Variants in ERG observed in about 807,000 individuals in gnomAD.
ERG encodes the protein ETS transcription factor ERG, also known as transcriptional regulator ERG.
ERG carries 9 observed loss-of-function variants against 55.3 expected under a neutral mutation model. That is an observed-to-expected ratio of 0.16 (90% CI 0.10 to 0.28). ERG has a LOEUF of 0.28. Ranked by LOEUF, ERG falls within the 10% of genes least tolerant of loss-of-function variation. ERG has a pLI of 1.00. For synonymous variants in ERG, 223 were observed against 237.3 expected, an observed-to-expected ratio of 0.94 and a Z score of 0.55; for missense variants, 434 against 631.6, an observed-to-expected ratio of 0.69 and a Z score of 3.35.
chr21:38,393,329 A>G, intron 6 of ERG, among the ~76,000 whole-genome samples: 1 of 152,264 alleles, frequency 6.6e-6, no homozygotes, highest in East Asian at 1.9e-4. Context: ...TGTTTCAAAA[A>G]TATATTACAG....
chr21:38,572,379 A>G (rs1156306985), intron 2 of ERG, among the ~76,000 whole-genome samples: 1 of 151,190 alleles, frequency 6.6e-6, no homozygotes, highest in Admixed American at 6.6e-5. Context: ...AAAAAAAAAA[A>G]AAAAAAAGAA....
At chr21:38,454,275 C>T (rs77757794) in intron 1 of ERG, among the ~76,000 whole-genome samples, 3,277 of 152,204 alleles carry the variant, frequency 0.022, 131 homozygotes, top group African/African-American at 0.075. Flanking sequence ...TGGTAGAGCA[C>T]GGGAGCCAGG....
chr21:38,552,332 T>C (rs1179842563), intron 2 of ERG, among the ~76,000 whole-genome samples: 2 of 152,146 alleles, frequency 1.3e-5, no homozygotes, highest in Non-Finnish European at 2.9e-5. Context: ...AACCTCATTT[T>C]ATGAGGCCAG....
upstream of ERG, chr21:38,498,525 G>C: frequency 2.1e-6 from 3 of 1,413,208 alleles, no homozygotes; most frequent in Non-Finnish European, 2.8e-6. The surrounding 1 kb of genome is among the most constrained non-coding windows in gnomAD (Gnocchi z 4.6). Flanking sequence ...GGCAGGAAGA[G>C]GTTTCTATTG....
chr21:38,614,798 C>T (rs1021377623), intron 1 of ERG, among the ~76,000 whole-genome samples: 3 of 152,202 alleles, frequency 2.0e-5, no homozygotes, highest in Non-Finnish European at 4.4e-5. Context: ...TCAGCGTGGC[C>T]TCAGCAGGGA....
intron 2 of ERG, among the ~76,000 whole-genome samples, chr21:38,433,455 T>C (rs545520716): frequency 1.3e-5 from 2 of 152,334 alleles, no homozygotes; most frequent in Admixed American, 1.3e-4. Flanking sequence ...TGGTGGGGAC[T>C]AATATTACTG....
rs1201047955 is a variant in ERG at position 38,548,609 on chromosome 21, G to C, written c.-41+27053C>G. On this transcript the variant is annotated intron_variant, in intron 2 of 8. Transcript: ENST00000398897. The stretch of plus-strand genomic sequence containing the variant: ...ACTAGAGGCACCCGCCACCACGCCC[G>C]GCTAATTTTTTTTTTTTTTTTTTTT... 3.1e-5 allele frequency among the ~76,000 whole-genome samples: 3 copies of C among 96,114 alleles called. No individual in the cohort carries two copies. In the Admixed American group the frequency reaches 3.5e-4, roughly 11 times the overall value. 63.1% of individuals were successfully genotyped at this position (96,114 alleles called of 152,430 possible).
the ERG span, among the ~76,000 whole-genome samples, chr21:38,370,620 C>T: frequency 1.3e-5 from 2 of 151,836 alleles, no homozygotes; most frequent in African/African-American, 4.8e-5. Flanking sequence ...ATGTAGGGGT[C>T]CAATTAATTT....
intron 1 of ERG, among the ~76,000 whole-genome samples, chr21:38,476,002 A>C (rs763796942): frequency 1.5e-4 from 23 of 152,200 alleles, no homozygotes; most frequent in Non-Finnish European, 2.9e-4. Context: ...CTTGTTATTA[A>C]ATTTTTAAAA....
At chr21:38,637,552 G>A (rs1230679004) in intron 1 of ERG, among the ~76,000 whole-genome samples, 1 of 152,164 alleles carries the variant, frequency 6.6e-6, no homozygotes, top group Non-Finnish European at 1.5e-5. Context: ...TGTCCATCAT[G>A]CAAGATTGTC....
chr21:38,447,907 C>T (rs2836411), intron 1 of ERG, among the ~76,000 whole-genome samples: 50,030 of 151,614 alleles, frequency 0.33, 8,392 homozygotes, highest in South Asian at 0.35. Context: ...CAGAAATTGG[C>T]GAAAACAGGT....
intron 2 of ERG, among the ~76,000 whole-genome samples, chr21:38,513,303 AG>A: frequency 6.6e-6 from 1 of 152,286 alleles, no homozygotes; most frequent in South Asian, 2.1e-4. Context: ...TTAAAAAAAA[AG>A]AAACTAGGAC....
intron 1 of ERG, among the ~76,000 whole-genome samples, chr21:38,455,123 T>TTCTTTCTTTC (rs775540337): frequency 2.1e-5 from 3 of 144,012 alleles, no homozygotes; most frequent in Admixed American, 1.4e-4. Flanking sequence ...TCTTTCTTTT[T>TTCTTTCTTTC]TTTTTTTTTT....
chr21:38,418,024 AT>A (rs909343698), intron 3 of ERG, among the ~76,000 whole-genome samples: 75 of 150,480 alleles, frequency 5.0e-4, no homozygotes, highest in African/African-American at 1.7e-3. Context: ...GTGATTCTTC[AT>A]TTTTTTTTGG....
intron 2 of ERG, among the ~76,000 whole-genome samples, chr21:38,541,167 A>G (rs2059749576): frequency 1.3e-5 from 2 of 152,334 alleles, no homozygotes; most frequent in East Asian, 3.9e-4. Flanking sequence ...ATCCAATTAT[A>G]AATCCTTAGG....
intron 3 of ERG, among the ~76,000 whole-genome samples, chr21:38,414,749 A>G (rs927531676): frequency 6.6e-6 from 1 of 152,124 alleles, no homozygotes; most frequent in Non-Finnish European, 1.5e-5. Flanking sequence ...GGCCCACCAC[A>G]CTGCCTGACA....
chr21:38,571,552 A>T (rs183224316), intron 2 of ERG, among the ~76,000 whole-genome samples: 35 of 152,062 alleles, frequency 2.3e-4, no homozygotes, highest in East Asian at 1.2e-3. Flanking sequence ...AAAAATTTTT[A>T]AAAAAGGTAC....
intron 1 of ERG, among the ~76,000 whole-genome samples, chr21:38,596,760 T>C (rs891714903): frequency 6.6e-6 from 1 of 152,204 alleles, no homozygotes; most frequent in Non-Finnish European, 1.5e-5. Flanking sequence ...CCAGCCAAGA[T>C]GGCCTTCTTG....
intron 1 of ERG, among the ~76,000 whole-genome samples, chr21:38,477,007 CT>C (rs397867221): frequency 0.016 from 1,324 of 84,110 alleles, 6 homozygotes; most frequent in African/African-American, 0.048. Context: ...TCTTTCTTTC[CT>C]TTTTTTTTTT....
Sources: gnomAD v4.1 joint callset for allele counts (sites outside exome capture counted in the v4.1 genomes callset) on GRCh38, gnomAD v4.1.1 for gene constraint, Gnocchi (gnomAD v3.1) non-coding constraint, MANE v1.5 for transcripts, NCBI Gene and HGNC (gene_info 2026-07-23, HGNC 2026-07-21) for gene names.